Variants in PMEPA1 observed in about 807,000 individuals in gnomAD.
PMEPA1 encodes protein TMEPAI.
PMEPA1 carries 11 observed loss-of-function variants against 23.0 expected under a neutral mutation model. The ratio of observed to expected loss-of-function variants is 0.48; its 90% CI spans 0.30 to 0.79. The LOEUF is 0.79. Ranked by LOEUF, PMEPA1 falls within the 30% of genes least tolerant of loss-of-function variation. The probability of loss-of-function intolerance (pLI) is 0.06; values close to 1 mark genes in which losing one functional copy is unlikely to be tolerated. For missense variants in PMEPA1, 377 were observed against 390.9 expected (o/e 0.96, Z 0.30); for synonymous variants, 204 against 166.4 (o/e 1.23, Z -1.74).
chr20:57,689,767 C>T (rs1212528787), intron 1 of PMEPA1, among the ~76,000 whole-genome samples: 1 of 152,196 alleles, frequency 6.6e-6, no homozygotes, highest in African/African-American at 2.4e-5. Flanking sequence ...CTCCTACTCA[C>T]CCTCTCTGGG....
At chr20:57,688,526 A>G (rs746346310) in intron 1 of PMEPA1, among the ~76,000 whole-genome samples, 10 of 152,294 alleles carry the variant, frequency 6.6e-5, no homozygotes, top group Non-Finnish European at 1.0e-4. Flanking sequence ...GAGTATCAGG[A>G]AGCCACAAAG....
At chr20:57,667,586 G>T (rs1249636279) in intron 1 of PMEPA1, among the ~76,000 whole-genome samples, 1 of 152,200 alleles carries the variant, frequency 6.6e-6, no homozygotes, top group Admixed American at 6.5e-5. Flanking sequence ...CCCAGGGGAG[G>T]GGCAGCTGGC....
rs533743925 is a variant in PMEPA1 at position 57,652,805 on chromosome 20, C to T, written c.319-207G>A. On this transcript the variant is annotated intron_variant, in intron 3 of 3. Coordinates refer to ENST00000341744, the MANE Select transcript of PMEPA1 (RefSeq NM_020182.5). This position sits in a 1 kb window ranked among gnomAD's most constrained non-coding sequence, Gnocchi z 6.1. ...AGCACTGCAGAGCTGCACCGCCCTC[C>T]TCCAAACAGTGGCAGCGTCCGTGCT... is the stretch of plus-strand genomic sequence containing the variant. 6.6e-6 allele frequency among the ~76,000 whole-genome samples: 1 copy of T among 152,298 alleles called. No individual in the cohort carries two copies. Among genetic ancestry groups the T allele is most frequent in the South Asian group, 2.1e-4 (1 of 4,828 alleles).
intron 1 of PMEPA1, among the ~76,000 whole-genome samples, chr20:57,696,506 G>A (rs1056017335): frequency 6.6e-5 from 10 of 152,210 alleles, no homozygotes; most frequent in African/African-American, 9.7e-5. Flanking sequence ...TCCTCCATGC[G>A]ATGGGGTTGC....
At chr20:57,661,926 C>G (rs573399405) in intron 1 of PMEPA1, among the ~76,000 whole-genome samples, 4,073 of 151,314 alleles carry the variant, frequency 0.027, 192 homozygotes, top group African/African-American at 0.095. Context: ...TCTGTGCCAC[C>G]CTCAGCGCGC....
Position 57,704,595 on chromosome 20 carries a change from G to A in PMEPA1, c.109+4879C>T, listed in dbSNP as rs1321495185. On this transcript the variant is annotated intron_variant, in intron 1 of 3. Coordinates refer to ENST00000341744, the MANE Select transcript of PMEPA1 (RefSeq NM_020182.5). The surrounding 1 kb of genome is among the most constrained non-coding windows in gnomAD (Gnocchi z 4.6). Reference sequence around the variant, plus strand: ...CTTTGGGCAGGATCCCAGACACCGAGGTGCCTGCAAACTTGGTCTCTGGAT... The same window carrying A: ...CTTTGGGCAGGATCCCAGACACCGAAGTGCCTGCAAACTTGGTCTCTGGAT... 6.6e-6 allele frequency among the ~76,000 whole-genome samples: 1 copy of A among 152,218 alleles called. No individual in the cohort carries two copies. The highest frequency in any genetic ancestry group is 1.9e-4 in the East Asian group (1 of 5,196).
intron 1 of PMEPA1, among the ~76,000 whole-genome samples, chr20:57,680,609 T>C (rs1246375810): frequency 6.6e-6 from 1 of 152,220 alleles, no homozygotes; most frequent in Non-Finnish European, 1.5e-5. Context: ...AAACATTAGC[T>C]AGGCAACAGC....
intron 1 of PMEPA1, among the ~76,000 whole-genome samples, chr20:57,675,212 C>T (rs941698814): frequency 6.8e-6 from 1 of 146,106 alleles, no homozygotes; most frequent in African/African-American, 2.6e-5. Flanking sequence ...AAGGGCCAGA[C>T]TTTCCCTGTG....
chr20:57,702,176 G>A (rs774074337), intron 1 of PMEPA1, among the ~76,000 whole-genome samples: 16 of 152,324 alleles, frequency 1.1e-4, no homozygotes, highest in African/African-American at 1.4e-4. Flanking sequence ...ACGTTCTGCG[G>A]CCCTGGGAAC....
chr20:57,702,349 C>T (rs901445820), intron 1 of PMEPA1, among the ~76,000 whole-genome samples: 4 of 152,188 alleles, frequency 2.6e-5, no homozygotes, highest in Non-Finnish European at 4.4e-5. Context: ...GCTGGTATGT[C>T]AGAGATGCAC....
In PMEPA1 at chr20:57,652,282, G is replaced by C; in HGVS notation, c.635C>G (p.Ser212Trp). 1 of 1,609,410 alleles carries C rather than the reference G, an allele frequency of 6.2e-7. No individual in the cohort carries two copies. The highest frequency in any genetic ancestry group is 8.5e-7 in the Non-Finnish European group (1 of 1,179,582). ...LGGPCPPSSN[S>W]GISATCYGSG... The stretch of plus-strand genomic sequence containing the variant: ...GCCGTAGCACGTGGCGCTGATGCCC[G>C]AGTTACTGCTGGGGGGGCAGGGGCC... The change falls in exon 4 of 4, where the codon TCG becomes TGG. Residue 212 changes from serine (S) to tryptophan (W), a missense_variant. Ser to Trp is a radical substitution (Grantham distance 177). Transcript: ENST00000341744. The surrounding 1 kb of genome is among the most constrained non-coding windows in gnomAD (Gnocchi z 6.1).
At chr20:57,668,468 AG>A (rs1436078875) in intron 1 of PMEPA1, among the ~76,000 whole-genome samples, 2 of 152,240 alleles carry the variant, frequency 1.3e-5, no homozygotes, top group African/African-American at 4.8e-5. Flanking sequence ...TCTTGAGTCA[AG>A]AACTCCAAGC....
chr20:57,674,268 C>T (rs111963641), intron 1 of PMEPA1, among the ~76,000 whole-genome samples: 5 of 152,200 alleles, frequency 3.3e-5, no homozygotes, highest in East Asian at 3.8e-4. Context: ...TTCTCTCCCC[C>T]CTCCTTCCAT....
Position 57,673,251 on chromosome 20 carries a change from C to T in PMEPA1, c.110-13554G>A, listed in dbSNP as rs887472677. On this transcript the variant is annotated intron_variant, in intron 1 of 3. Transcript: ENST00000341744. ...CTGCCCTCCTCCTGCTGCCCATTCT[C>T]GGTGGCCTGCGTCTACCCCATTTCC... Among the ~76,000 whole-genome samples the T allele has an allele frequency of 2.6e-5, 4 of 152,040 alleles. 1 individual carries two copies. The South Asian group carries it at 6.2e-4, about 24-fold the overall frequency.
intron 1 of PMEPA1, 54 bp from the exon 2 acceptor site, chr20:57,659,751 C>T (rs982772334): frequency 6.6e-6 from 10 of 1,515,466 alleles, no homozygotes; most frequent in South Asian, 6.1e-5. Context: ...GGTCGCTGTG[C>T]TCAGGGCTCA....
chr20:57,681,291 C>T (rs2071709161), intron 1 of PMEPA1, among the ~76,000 whole-genome samples: 2 of 152,188 alleles, frequency 1.3e-5, no homozygotes, highest in Non-Finnish European at 2.9e-5. Flanking sequence ...ACTGGGAACC[C>T]CCGTCCCTCC....
At chr20:57,671,622 G>C (rs1266461689) in intron 1 of PMEPA1, among the ~76,000 whole-genome samples, 1 of 152,086 alleles carries the variant, frequency 6.6e-6, no homozygotes, top group Non-Finnish European at 1.5e-5. Flanking sequence ...TGATCAACCA[G>C]AGACCATCTA....
At chr20:57,701,152 C>T (rs1270703059) in intron 1 of PMEPA1, among the ~76,000 whole-genome samples, 1 of 152,060 alleles carries the variant, frequency 6.6e-6, no homozygotes, top group Non-Finnish European at 1.5e-5. Flanking sequence ...TCCAAGCCAC[C>T]TTTCTTCCTA....
upstream of PMEPA1, chr20:57,711,429 G>C (rs1306102253): frequency 3.9e-5 from 6 of 152,276 alleles, no homozygotes; most frequent in African/African-American, 1.4e-4. Context: ...AGCTCTCCCA[G>C]AAAGACCAGG....
Sources: allele counts gnomAD v4.1 joint callset (sites outside exome capture counted in the v4.1 genomes callset), GRCh38; gene constraint gnomAD v4.1.1; non-coding constraint Gnocchi (gnomAD v3.1); transcripts MANE v1.5; gene names NCBI Gene and HGNC (gene_info 2026-07-23, HGNC 2026-07-21).